FCHSD2: variants seen among roughly 807,000 people sequenced by gnomAD.
FCHSD2 encodes the protein FCH and double SH3 domains 2, also known as F-BAR and double SH3 domains protein 2.
Under a neutral mutation model 108.1 loss-of-function variants are expected in FCHSD2, and 38 were observed. The ratio of observed to expected loss-of-function variants is 0.35; its 90% CI spans 0.27 to 0.46. The LOEUF (loss-of-function observed/expected upper bound fraction) is 0.46, where lower values mean the gene tolerates loss of function less well. Among genes scored for constraint, FCHSD2 ranks in the 20% least tolerant of loss-of-function variants. The pLI, the probability that FCHSD2 is intolerant of heterozygous loss-of-function variation, is 1.00. For synonymous variants in FCHSD2, 279 were observed against 314.7 expected (o/e 0.89, Z 1.20); for missense variants, 751 against 897.8 (o/e 0.84, Z 2.09).
Position 73,000,939 on chromosome 11 carries a change from T to C in FCHSD2, c.387+51A>G, listed in dbSNP as rs1037114880. 5 of 1,475,864 alleles carry C rather than the reference T, an allele frequency of 3.4e-6. No individual in the cohort carries two copies. In the African/African-American group the frequency reaches 4.2e-5, roughly 12 times the overall value. The allele number at this position is 1,475,864 out of a possible 1,614,324, so 91.4% of individuals were successfully genotyped here. A position where few individuals can be genotyped will look rare whatever the true frequency, so the allele number is the denominator to read the frequency against. The stretch of plus-strand genomic sequence containing the variant: ...TTAGCATAACCTTGCAGATTATAAA[T>C]GTAGCACTGGGATATTAAAATGCAT... On this transcript the variant is annotated intron_variant, in intron 5 of 19. Transcript: ENST00000409418.
intron 10 of FCHSD2, among the ~76,000 whole-genome samples, chr11:72,891,704 T>C (rs557548505): frequency 2.0e-5 from 3 of 152,358 alleles, no homozygotes; most frequent in Admixed American, 6.5e-5. Flanking sequence ...TAGACTTAGT[T>C]TGAATCCATT....
chr11:72,968,891 A>G (rs533774418), intron 8 of FCHSD2, among the ~76,000 whole-genome samples: 5 of 152,236 alleles, frequency 3.3e-5, no homozygotes, highest in Non-Finnish European at 7.3e-5. Context: ...ATTTCTATAA[A>G]TTGGTAAACA....
intron 2 of FCHSD2, among the ~76,000 whole-genome samples, chr11:73,103,490 G>C (rs1387301933): frequency 6.6e-6 from 1 of 152,084 alleles, no homozygotes; most frequent in Non-Finnish European, 1.5e-5. Context: ...CCAAATATCT[G>C]CCGCCTTCTG....
At chr11:73,127,876 G>A (rs1860896450) in intron 2 of FCHSD2, among the ~76,000 whole-genome samples, 1 of 151,744 alleles carries the variant, frequency 6.6e-6, no homozygotes, top group African/African-American at 2.4e-5. Flanking sequence ...AATCACCTGA[G>A]GTCAAGGTCA....
chr11:72,870,925 T>A (rs796493984), intron 12 of FCHSD2, among the ~76,000 whole-genome samples: 63 of 124,142 alleles, frequency 5.1e-4, no homozygotes, highest in African/African-American at 1.6e-3. Context: ...AAAAAAAGAA[T>A]TCCCCCTTTG....
intron 13 of FCHSD2, among the ~76,000 whole-genome samples, chr11:72,856,534 A>G (rs768554419): frequency 6.6e-6 from 1 of 152,206 alleles, no homozygotes; most frequent in Non-Finnish European, 1.5e-5. Flanking sequence ...GATTACACAG[A>G]ATTGTGGAGA....
intron 4 of FCHSD2, among the ~76,000 whole-genome samples, 164 bp from the exon 5 acceptor site, chr11:73,001,298 G>T (rs1226832539): frequency 6.6e-6 from 1 of 152,062 alleles, no homozygotes; most frequent in African/African-American, 2.4e-5. Context: ...AAGCAACATG[G>T]CATATACTCT....
intron 3 of FCHSD2, among the ~76,000 whole-genome samples, chr11:73,063,421 C>A (rs1363830017): frequency 6.6e-6 from 1 of 152,166 alleles, no homozygotes; most frequent in Non-Finnish European, 1.5e-5. Context: ...ATGACAGGAT[C>A]AAATTCACAC....
At chr11:72,852,056 G>T (rs912149226) in intron 13 of FCHSD2, among the ~76,000 whole-genome samples, 1 of 151,426 alleles carries the variant, frequency 6.6e-6, no homozygotes, top group Non-Finnish European at 1.5e-5. Flanking sequence ...TTTGTTTTTG[G>T]TGTTTTTTTT....
chr11:73,105,069 G>T (rs982695946), intron 2 of FCHSD2, among the ~76,000 whole-genome samples: 3 of 152,110 alleles, frequency 2.0e-5, no homozygotes, highest in Non-Finnish European at 4.4e-5. Context: ...TATCCTACCT[G>T]ACTTGACAAT....
chr11:73,082,063 C>T (rs972417180), intron 3 of FCHSD2, among the ~76,000 whole-genome samples: 3 of 152,026 alleles, frequency 2.0e-5, no homozygotes, highest in Non-Finnish European at 4.4e-5. Context: ...ATCGGCTGGG[C>T]GCGGTGGCTC....
intron 8 of FCHSD2, among the ~76,000 whole-genome samples, chr11:72,947,912 A>G (rs1856548814): frequency 6.6e-6 from 1 of 152,234 alleles, no homozygotes; most frequent in Non-Finnish European, 1.5e-5. Flanking sequence ...ATCAGTTAAT[A>G]CAGTGTTAAC....
chr11:73,079,682 A>G (rs1270991662), intron 3 of FCHSD2, among the ~76,000 whole-genome samples: 2 of 152,180 alleles, frequency 1.3e-5, no homozygotes, highest in Non-Finnish European at 2.9e-5. Flanking sequence ...CACAATCAAA[A>G]AGAGAGGATA....
At chr11:72,969,953 A>G (rs1413800401) in intron 8 of FCHSD2, among the ~76,000 whole-genome samples, 1 of 152,206 alleles carries the variant, frequency 6.6e-6, no homozygotes, top group East Asian at 1.9e-4. Flanking sequence ...GTGGCCAGGG[A>G]CTATTTTAAT....
intron 8 of FCHSD2, among the ~76,000 whole-genome samples, chr11:72,923,084 T>C (rs1320732438): frequency 6.6e-6 from 1 of 152,226 alleles, no homozygotes; most frequent in African/African-American, 2.4e-5. Context: ...CCCAGCATAA[T>C]ATTTTCAAGG....
intron 3 of FCHSD2, among the ~76,000 whole-genome samples, chr11:73,053,145 C>CTTTTTTTTTTT (rs771262833): frequency 9.7e-6 from 1 of 102,972 alleles, no homozygotes; most frequent in Non-Finnish European, 2.0e-5. Context: ...TGCACCCAGC[C>CTTTTTTTTTTT]TTTTTTTTTT....
In FCHSD2 at chr11:73,077,791, T is replaced by C. The variant is rs571230289; in HGVS notation, c.165+5904A>G. On this transcript the variant is annotated intron_variant, in intron 3 of 19. Coordinates refer to ENST00000409418, the MANE Select transcript of FCHSD2 (RefSeq NM_014824.3). ...GGATTATAAGGACACACAGGAAAAC[T>C]CTGGGGGCTTACAGATGTGTTCATT... The C allele has an allele frequency of 8.5e-4, 226 of 266,928 alleles. 5 individuals carry two copies. Among genetic ancestry groups the C allele is most frequent in the South Asian group, 6.7e-3 (194 of 28,822 alleles). The allele number at this position is 266,928 out of a possible 1,614,324, so 16.5% of individuals were successfully genotyped here. A position where few individuals can be genotyped will look rare whatever the true frequency, so the allele number is the denominator to read the frequency against.
intron 2 of FCHSD2, among the ~76,000 whole-genome samples, chr11:73,092,311 T>G (rs781627599): frequency 1.3e-4 from 19 of 150,326 alleles, no homozygotes; most frequent in African/African-American, 2.4e-4. Context: ...AAGTTTTTGT[T>G]TTTTTTTTTG....
intron 3 of FCHSD2, among the ~76,000 whole-genome samples, chr11:73,017,546 C>T (rs1858000634): frequency 6.6e-6 from 1 of 152,140 alleles, no homozygotes; most frequent in Admixed American, 6.5e-5. Flanking sequence ...CAAGTTCCTC[C>T]CGAACTTGGC....
Sources: allele counts gnomAD v4.1 joint callset (sites outside exome capture counted in the v4.1 genomes callset), GRCh38; gene constraint gnomAD v4.1.1; transcripts MANE v1.5; gene names NCBI Gene and HGNC (gene_info 2026-07-23, HGNC 2026-07-21).